Variants in DPP10 observed in about 807,000 individuals in gnomAD.
DPP10 encodes the protein inactive dipeptidyl peptidase 10.
Under a neutral mutation model 120.9 loss-of-function variants are expected in DPP10, and 33 were observed. The observed-to-expected ratio is 0.27, with a 90% confidence interval of 0.21 to 0.37. DPP10 has a LOEUF of 0.37. DPP10 is among the 10% of genes least tolerant of loss of function. The probability of loss-of-function intolerance (pLI) is 1.00; values close to 1 mark genes in which losing one functional copy is unlikely to be tolerated. For synonymous variants in DPP10, 337 were observed against 326.1 expected, an observed-to-expected ratio of 1.03 and a Z score of -0.36; for missense variants, 816 against 942.8, an observed-to-expected ratio of 0.87 and a Z score of 1.76.
chr2:115,095,628 G>A (rs1450160424), intron 1 of DPP10, among the ~76,000 whole-genome samples: 1 of 147,170 alleles, frequency 6.8e-6, no homozygotes, highest in Non-Finnish European at 1.5e-5. Context: ...CTCCCAGGCT[G>A]GAATGCAGTG....
intron 1 of DPP10, among the ~76,000 whole-genome samples, chr2:114,607,161 C>T (rs1692881829): frequency 6.6e-6 from 1 of 152,160 alleles, no homozygotes; most frequent in African/African-American, 2.4e-5. Context: ...ACAGGGTTCT[C>T]ACTGGCTTTT....
intron 1 of DPP10, among the ~76,000 whole-genome samples, chr2:114,612,542 A>G (rs1243404111): frequency 6.6e-6 from 1 of 151,176 alleles, no homozygotes; most frequent in Non-Finnish European, 1.5e-5. Flanking sequence ...TTCTTCAGCT[A>G]TACATGGTCA....
At chr2:115,810,407 C>T (rs961284326) in intron 19 of DPP10, among the ~76,000 whole-genome samples, 1 of 152,120 alleles carries the variant, frequency 6.6e-6, no homozygotes, top group Non-Finnish European at 1.5e-5. Context: ...GAACAAATCT[C>T]TATACTTTAA....
At chr2:114,635,264 A>G (rs1695225228) in intron 1 of DPP10, among the ~76,000 whole-genome samples, 1 of 151,886 alleles carries the variant, frequency 6.6e-6, no homozygotes, top group Admixed American at 6.5e-5. Context: ...TCTTAATAGC[A>G]TGGTCTAATT....
chr2:114,933,978 G>C (rs1574514878), intron 1 of DPP10, among the ~76,000 whole-genome samples: 1 of 152,156 alleles, frequency 6.6e-6, no homozygotes, highest in Non-Finnish European at 1.5e-5. Flanking sequence ...CTTCTATTTT[G>C]AACAAGCTGC....
At chr2:115,017,712 G>A (rs1458734500) in intron 1 of DPP10, among the ~76,000 whole-genome samples, 1 of 152,034 alleles carries the variant, frequency 6.6e-6, no homozygotes, top group Non-Finnish European at 1.5e-5. Flanking sequence ...TAGGGACATG[G>A]ATGAAGCTGG....
At chr2:114,833,924 A>T (rs1687370630) in intron 1 of DPP10, 1 of 152,086 alleles carries the variant, frequency 6.6e-6, no homozygotes, top group Non-Finnish European at 1.5e-5. Flanking sequence ...TTCTGCCCTT[A>T]CTAGTGACCT....
At chr2:115,382,938 C>T (rs1328216444) in intron 3 of DPP10, among the ~76,000 whole-genome samples, 1 of 152,184 alleles carries the variant, frequency 6.6e-6, no homozygotes, top group Admixed American at 6.5e-5. Context: ...TCCTACTCTG[C>T]CACAGCATTT....
chr2:115,466,886 A>G (rs938802051), intron 3 of DPP10, among the ~76,000 whole-genome samples: 61 of 152,254 alleles, frequency 4.0e-4, no homozygotes, highest in African/African-American at 1.3e-3. Flanking sequence ...GATGGCCTAT[A>G]TATGTAAACC....
chr2:114,847,025 A>C (rs1472104589), intron 1 of DPP10, among the ~76,000 whole-genome samples: 3 of 152,110 alleles, frequency 2.0e-5, no homozygotes, highest in Non-Finnish European at 4.4e-5. Flanking sequence ...TTCAGTATCT[A>C]AATCTAGATT....
intron 5 of DPP10, among the ~76,000 whole-genome samples, chr2:115,640,947 T>C (rs565205243): frequency 6.6e-6 from 1 of 152,370 alleles, no homozygotes; most frequent in East Asian, 1.9e-4. Flanking sequence ...ACCAGATAAC[T>C]ATCATTCTTT....
At chr2:114,934,570 T>C (rs1294259918) in intron 1 of DPP10, among the ~76,000 whole-genome samples, 1 of 151,970 alleles carries the variant, frequency 6.6e-6, no homozygotes, top group African/African-American at 2.4e-5. Context: ...AATCTACAAA[T>C]AAGTGGACCC....
intron 5 of DPP10, among the ~76,000 whole-genome samples, chr2:115,634,937 G>T (rs995272079): frequency 6.6e-6 from 1 of 151,788 alleles, no homozygotes; most frequent in Non-Finnish European, 1.5e-5. Flanking sequence ...TTGTAGGGAG[G>T]GCTTGCCTAG....
chr2:115,490,394 C>T (rs930704447), intron 3 of DPP10, among the ~76,000 whole-genome samples: 1 of 148,280 alleles, frequency 6.7e-6, no homozygotes, highest in Non-Finnish European at 1.5e-5. Context: ...AAACCACCCC[C>T]ATGATTCAGT....
chr2:115,343,991 C>G, intron 3 of DPP10, 79 bp downstream of exon 3: 1 of 1,226,200 alleles, frequency 8.2e-7, no homozygotes. Context: ...GATGTGTAAG[C>G]TGGGCGCAAT....
intron 5 of DPP10, among the ~76,000 whole-genome samples, chr2:115,664,978 C>T (rs759556131): frequency 6.6e-5 from 10 of 152,100 alleles, no homozygotes; most frequent in Non-Finnish European, 1.2e-4. Context: ...GCTATGGCTA[C>T]GATATAGGGC....
chr2:115,741,887 G>A (rs1426880048), intron 9 of DPP10, among the ~76,000 whole-genome samples: 1 of 152,092 alleles, frequency 6.6e-6, no homozygotes, highest in Non-Finnish European at 1.5e-5. Flanking sequence ...AAACCAATGG[G>A]AGCATTTGAG....
chr2:115,549,647 A>G (rs1356297112), intron 5 of DPP10, among the ~76,000 whole-genome samples: 2 of 152,134 alleles, frequency 1.3e-5, no homozygotes, highest in Non-Finnish European at 2.9e-5. Flanking sequence ...CTCTATAGCC[A>G]ATGTATCTTA....
At chr2:114,924,959 C>T (rs1423348367) in intron 1 of DPP10, among the ~76,000 whole-genome samples, 1 of 152,122 alleles carries the variant, frequency 6.6e-6, no homozygotes, top group Non-Finnish European at 1.5e-5. Flanking sequence ...CGCCAGTAAT[C>T]CCAGCACTTT....
Sources: allele counts gnomAD v4.1 joint callset (sites outside exome capture counted in the v4.1 genomes callset), GRCh38; gene constraint gnomAD v4.1.1; transcripts MANE v1.5; gene names NCBI Gene and HGNC (gene_info 2026-07-23, HGNC 2026-07-21).